Variants in ZC3H12B observed in about 807,000 individuals in gnomAD.
The protein encoded by ZC3H12B is probable ribonuclease ZC3H12B.
ZC3H12B carries 7 observed loss-of-function variants against 43.9 expected under a neutral mutation model. That is an observed-to-expected ratio of 0.16 (90% confidence interval 0.09 to 0.30). The LOEUF (loss-of-function observed/expected upper bound fraction) is 0.30. Ranked by LOEUF, ZC3H12B falls within the 10% of genes least tolerant of loss-of-function variation. The pLI, the probability that ZC3H12B is intolerant of heterozygous loss-of-function variation, is 1.00. For synonymous variants in ZC3H12B, 222 were observed against 241.7 expected (o/e 0.92, Z 0.76); for missense variants, 475 against 670.2 (o/e 0.71, Z 3.22).
At chrX:65,461,811 C>A (rs1333552656) in intron 3 of ZC3H12B, among the ~76,000 whole-genome samples, 1 of 109,929 alleles carries the variant, frequency 9.1e-6, no homozygotes, top group African/African-American at 3.3e-5. Flanking sequence ...ATGTAACAAA[C>A]CTGCACGTTG....
chrX:65,358,772 A>C, the ZC3H12B span, among the ~76,000 whole-genome samples: 2 of 111,852 alleles, frequency 1.8e-5, no homozygotes, highest in African/African-American at 6.5e-5. Flanking sequence ...CAATTAAAAG[A>C]ACTAGAAAAG....
chrX:65,366,846 G>A (rs2066180861), intron 1 of ZC3H12B, 80 bp downstream of exon 3: 1 of 111,925 alleles, frequency 8.9e-6, no homozygotes, highest in Admixed American at 9.5e-5. Context: ...TCAAAACATT[G>A]CTTCTTATTA....
upstream of ZC3H12B, among the ~76,000 whole-genome samples, chrX:65,488,186 G>C (rs983426893): frequency 9.0e-6 from 1 of 111,038 alleles, no homozygotes; most frequent in Non-Finnish European, 1.9e-5. Flanking sequence ...GTGCTTTTCA[G>C]GAGTGGATTT....
the ZC3H12B span, among the ~76,000 whole-genome samples, chrX:65,342,543 C>T: frequency 8.9e-6 from 1 of 111,809 alleles, no homozygotes; most frequent in East Asian, 2.8e-4. Context: ...AATTGAATAA[C>T]CTGCCCCTGA....
At chrX:65,342,400 G>A in the ZC3H12B span, among the ~76,000 whole-genome samples, 2,064 of 111,548 alleles carry the variant, frequency 0.019, 55 homozygotes, top group African/African-American at 0.064. Context: ...AATCGACCAC[G>A]TAATTGGACA....
chrX:65,359,261 T>G, the ZC3H12B span, among the ~76,000 whole-genome samples: 1 of 111,985 alleles, frequency 8.9e-6, no homozygotes, highest in Non-Finnish European at 1.9e-5. Context: ...CTTTCTTTCC[T>G]GCTATATGGC....
the ZC3H12B span, among the ~76,000 whole-genome samples, chrX:65,112,493 G>A: frequency 8.9e-6 from 1 of 111,960 alleles, no homozygotes; most frequent in African/African-American, 3.2e-5. Flanking sequence ...GTCAATGTCT[G>A]GCTTCAAAGC....
chrX:65,098,196 T>G, the ZC3H12B span, among the ~76,000 whole-genome samples: 2 of 107,361 alleles, frequency 1.9e-5, no homozygotes, highest in African/African-American at 7.1e-5. Context: ...GACCCATAGT[T>G]ATAAATGCAT....
chrX:65,214,892 G>A, the ZC3H12B span, among the ~76,000 whole-genome samples: 9 of 111,398 alleles, frequency 8.1e-5, no homozygotes, highest in Middle Eastern at 4.7e-3. Flanking sequence ...CTTGATTCAT[G>A]AGTTGCAGAA....
the ZC3H12B span, among the ~76,000 whole-genome samples, chrX:65,238,420 T>G: frequency 8.9e-6 from 1 of 112,183 alleles, no homozygotes; most frequent in Admixed American, 9.5e-5. Flanking sequence ...TTGTTTGTAT[T>G]TCTGTGGAGT....
chrX:65,311,686 C>T, the ZC3H12B span, among the ~76,000 whole-genome samples: 1 of 111,751 alleles, frequency 8.9e-6, no homozygotes, highest in Admixed American at 9.5e-5. Context: ...TATAAAGACA[C>T]ATGCACACGT....
At chrX:65,495,092 A>T (rs2068260248) in intron 1 of ZC3H12B, among the ~76,000 whole-genome samples, 2 of 112,147 alleles carry the variant, frequency 1.8e-5, no homozygotes, top group South Asian at 7.3e-4. Flanking sequence ...GTGGTCTTGC[A>T]TAATTTCCCC....
chrX:65,260,364 G>GA, the ZC3H12B span, among the ~76,000 whole-genome samples: 1 of 110,648 alleles, frequency 9.0e-6, no homozygotes, highest in Non-Finnish European at 1.9e-5. Context: ...ACTCTACAAT[G>GA]AAAATTAGAA....
chrX:65,432,629 T>A (rs2067176479), intron 3 of ZC3H12B, among the ~76,000 whole-genome samples: 1 of 111,899 alleles, frequency 8.9e-6, no homozygotes, highest in African/African-American at 3.2e-5. Flanking sequence ...ACAACCAAAT[T>A]TGGAATTTGT....
rs903820937 is a variant in ZC3H12B, at chrX:65,434,122, C to A, written n.407+35418C>A. Among the ~76,000 whole-genome samples the A allele has an allele frequency of 6.3e-5, 7 of 111,676 alleles. No individual in the cohort carries two copies. In the Admixed American group the frequency reaches 6.7e-4, roughly 11 times the overall value. On this transcript the variant is annotated intron_variant and non_coding_transcript_variant, in intron 3 of 5. Transcript: ENST00000617377. ...GTTGAGTGCTGCTACTTGGCTCCTG[C>A]CTCCTTGGGATCCTATTACTCCCAT...
chrX:65,143,741 T>A, the ZC3H12B span, among the ~76,000 whole-genome samples: 4 of 108,185 alleles, frequency 3.7e-5, no homozygotes, highest in African/African-American at 6.8e-5. Context: ...TTTTTTTTTT[T>A]AATTTTTAAT....
At chrX:65,082,844 T>C in the ZC3H12B span, among the ~76,000 whole-genome samples, 1 of 111,403 alleles carries the variant, frequency 9.0e-6, no homozygotes, top group African/African-American at 3.3e-5. Context: ...TGAATGTTGG[T>C]GCAAAAATCC....
At chrX:65,499,107 A>C in exon 3 of ZC3H12B, 1 of 1,211,515 alleles carries the variant, frequency 8.3e-7, no homozygotes, top group Non-Finnish European at 1.1e-6. Context: ...TTCATAGTCA[A>C]ACTGGCTTTT....
chrX:65,148,456 C>A, the ZC3H12B span, among the ~76,000 whole-genome samples: 1 of 111,429 alleles, frequency 9.0e-6, no homozygotes, highest in African/African-American at 3.3e-5. Flanking sequence ...ATGCCTAGAC[C>A]CTGAGTCTTT....
Sources: allele counts gnomAD v4.1 joint callset (sites outside exome capture counted in the v4.1 genomes callset), GRCh38; gene constraint gnomAD v4.1.1; transcripts MANE v1.5; gene names NCBI Gene and HGNC (gene_info 2026-07-23, HGNC 2026-07-21).